PLEKHB1: variants seen among roughly 807,000 people sequenced by gnomAD.
PLEKHB1 encodes pleckstrin homology domain-containing family B member 1.
PLEKHB1 carries 29 observed loss-of-function variants against 36.2 expected under a neutral mutation model. The observed-to-expected ratio is 0.80, with a 90% CI of 0.60 to 1.09. PLEKHB1 has a LOEUF of 1.09. PLEKHB1 is among the 50% of genes least tolerant of loss of function. The pLI, the probability that PLEKHB1 is intolerant of heterozygous loss-of-function variation, is 0.00. For missense variants in PLEKHB1, 330 were observed against 348.2 expected, an observed-to-expected ratio of 0.95 and a Z score of 0.42; for synonymous variants, 138 against 140.0, an observed-to-expected ratio of 0.99 and a Z score of 0.10.
Position 73,655,821 on chromosome 11 carries a change from GTCCC to G in PLEKHB1, c.414_417del (p.Pro139GlyfsTer12), listed in dbSNP as rs910886724. On this transcript the variant is annotated frameshift_variant, in exon 6 of 8. Coordinates refer to ENST00000354190, the MANE Select transcript of PLEKHB1 (RefSeq NM_021200.3). LOFTEE classifies it high-confidence loss of function. ...TGAGCAGGCCCCAGCTGGAGCCACCGTCCCTCCCAGGAGCCGCCGGGTTTGCTCC... is the reference window on the plus strand; with the variant it reads ...TGAGCAGGCCCCAGCTGGAGCCACCGTCCCAGGAGCCGCCGGGTTTGCTCC... 2.5e-5 allele frequency: 40 copies of G among 1,613,388 alleles called. No homozygotes were observed. The highest frequency in any genetic ancestry group is 3.2e-5 in the Non-Finnish European group (38 of 1,179,852).
At chr11:73,651,190 A>G (rs1944883968) in intron 3 of PLEKHB1, among the ~76,000 whole-genome samples, 1 of 151,652 alleles carries the variant, frequency 6.6e-6, no homozygotes, top group South Asian at 2.1e-4. Flanking sequence ...TCTCTACCAA[A>G]ACAAAAACAA....
rs11235842 is a variant in PLEKHB1 at position 73,660,377 on chromosome 11, C to T, written c.496-376C>T. ...CCCTGTTTATTTCCTGGGCCTGGGG[C>T]TTGGCCATGTTCCCCTCCTTGTGAC... On this transcript the variant is annotated intron_variant, in intron 6 of 7. Transcript: ENST00000354190. 3.0e-3 allele frequency: 603 copies of T among 198,218 alleles called. 1 individual carries two copies. The highest frequency in any genetic ancestry group is 7.8e-3 in the Middle Eastern group (4 of 516). The allele number at this position is 198,218 out of a possible 1,614,324, so 12.3% of individuals were successfully genotyped here.
intron 4 of PLEKHB1, 38 bp from the exon 5 acceptor site, chr11:73,652,937 A>G: frequency 1.9e-6 from 3 of 1,583,006 alleles, no homozygotes; most frequent in South Asian, 2.3e-5. Context: ...CCCACCCCCA[A>G]ACTCCCTCCT....
At chr11:73,650,220 C>G (rs581888) in intron 2 of PLEKHB1, among the ~76,000 whole-genome samples, 16,911 of 152,086 alleles carry the variant, frequency 0.11, 3,078 homozygotes, top group African/African-American at 0.38. Flanking sequence ...GTCTCAAAGA[C>G]AGAGAGAGAG....
At chr11:73,660,888 C>G in intron 7 of PLEKHB1, 36 bp downstream of exon 7, 6 of 1,541,976 alleles carry the variant, frequency 3.9e-6, no homozygotes, top group Non-Finnish European at 5.3e-6. Context: ...TTGCCTCGAT[C>G]CAGCACCGAT....
At chr11:73,657,730 C>T (rs567976165) in intron 6 of PLEKHB1, among the ~76,000 whole-genome samples, 25 of 152,214 alleles carry the variant, frequency 1.6e-4, no homozygotes, top group Admixed American at 5.9e-4. Context: ...ACCTCAACTT[C>T]CCCACCAATA....
chr11:73,659,715 AG>A (rs1945065382), intron 6 of PLEKHB1, among the ~76,000 whole-genome samples: 1 of 152,196 alleles, frequency 6.6e-6, no homozygotes, highest in Admixed American at 6.5e-5. Context: ...TAGGCTTTGA[AG>A]GGTTGGCAGA....
At chr11:73,653,560 C>A in intron 5 of PLEKHB1, 1 of 428,448 alleles carries the variant, frequency 2.3e-6, no homozygotes, top group African/African-American at 2.0e-5. Flanking sequence ...ATAGTAATAA[C>A]AGCTCTGACA....
In PLEKHB1 at chr11:73,653,062, T is replaced by C. The variant is rs745651156; in HGVS notation, c.390+48T>C. The C allele has an allele frequency of 8.3e-6, 13 of 1,572,034 alleles. No homozygotes were observed. In the African/African-American group the frequency reaches 1.4e-4, roughly 16 times the overall value. On this transcript the variant is annotated intron_variant, in intron 5 of 7. Transcript: ENST00000354190. ...CTTTCCCCACCACCTCCATGTGCCATGGAATCATGAGTGACTCAGACTCGG... is the reference window on the plus strand; with the variant it reads ...CTTTCCCCACCACCTCCATGTGCCACGGAATCATGAGTGACTCAGACTCGG...
At position 73,650,618 on chromosome 11, in the gene PLEKHB1, TACC is replaced by T; in HGVS notation, c.163_165del (p.His55del). 1 of 1,613,356 alleles carries T rather than the reference TACC, an allele frequency of 6.2e-7. No homozygotes were observed. The highest frequency in any genetic ancestry group is 2.2e-5 in the East Asian group (1 of 44,866). Reference sequence around the variant, plus strand: ...GTGGCTGGACGGGACCCTGGGATACTACCACGATGAGACAGCGCAGGACGAGGA... The same window carrying T: ...GTGGCTGGACGGGACCCTGGGATACTACGATGAGACAGCGCAGGACGAGGA... On this transcript the variant is annotated inframe_deletion, in exon 3 of 8. Transcript: ENST00000354190.
chr11:73,651,365 A>G (rs981752809), intron 3 of PLEKHB1: 11 of 445,532 alleles, frequency 2.5e-5, no homozygotes, highest in Middle Eastern at 3.6e-4. Context: ...AAAAAAAAAA[A>G]AAAAAGAAAA....
chr11:73,660,921 G>A (rs1486975261), intron 7 of PLEKHB1, 69 bp downstream of exon 7: 2 of 1,375,198 alleles, frequency 1.5e-6, no homozygotes, highest in Non-Finnish European at 2.0e-6. Context: ...CCAGCCCACG[G>A]TCCGTAAGTC....
chr11:73,652,125 G>A (rs1944910243), intron 4 of PLEKHB1: 2 of 545,512 alleles, frequency 3.7e-6, no homozygotes, highest in Admixed American at 3.3e-5. Flanking sequence ...AGGGGGAGGT[G>A]TGCACACCTG....
chr11:73,651,363 A>AT, intron 3 of PLEKHB1: 1 of 445,118 alleles, frequency 2.2e-6, no homozygotes, highest in Admixed American at 2.5e-5. Flanking sequence ...CAAAAAAAAA[A>AT]AAAAAAAGAA....
chr11:73,651,751 T>C (rs1944899947), intron 3 of PLEKHB1, 37 bp from the exon 4 acceptor site: 2 of 1,548,498 alleles, frequency 1.3e-6, no homozygotes, highest in Non-Finnish European at 1.8e-6. Flanking sequence ...CTGGGGCTTG[T>C]GCCTGTGGAA....
In PLEKHB1 at chr11:73,661,929, G is replaced by A. The variant is rs1945133673; in HGVS notation, c.*327G>A. 3 of 278,948 alleles carry A rather than the reference G, an allele frequency of 1.1e-5. No individual in the cohort carries two copies. Among genetic ancestry groups the A allele is most frequent in the Admixed American group, 4.7e-5 (1 of 21,184 alleles). The allele number at this position is 278,948 out of a possible 1,614,324, so 17.3% of individuals were successfully genotyped here. On this transcript the variant is annotated 3_prime_UTR_variant, in exon 8 of 8. Transcript: ENST00000354190. This position sits in a 1 kb window ranked among gnomAD's most constrained non-coding sequence, Gnocchi z 4.6. The stretch of plus-strand genomic sequence containing the variant: ...TCATTTGGCTTCGAGTTCCCCAGGC[G>A]CTGTAGACACAACATGAATCGGGCT...
At position 73,660,782 on chromosome 11, in the gene PLEKHB1, C is replaced by A. The variant is rs1194374901; in HGVS notation, c.525C>A (p.Tyr175Ter). The change falls in exon 7 of 8, where the codon TAC becomes TAA. Residue 175 changes from tyrosine to a stop codon, truncating the protein, a stop_gained. Transcript: ENST00000354190. LOFTEE classifies it high-confidence loss of function. ...WVRVYSPYQD[Y>*]YEVVPPNAHE... ...GCGTCTACAGCCCGTACCAAGACTA[C>A]TACGAGGTGGTGCCCCCCAATGCAC... 1.2e-6 allele frequency: 2 copies of A among 1,600,936 alleles called. No individual in the cohort carries two copies. The highest frequency in any genetic ancestry group is 1.7e-6 in the Non-Finnish European group (2 of 1,174,956).
chr11:73,660,719 G>A lies in PLEKHB1; in HGVS notation c.496-34G>A, dbSNP rs774173297. On this transcript the variant is annotated intron_variant, in intron 6 of 7. Transcript: ENST00000354190. ...TAGGGGACCAAATCCGGGCCAGGGA[G>A]TTCCTGGGCACCTGACATGGTTGGA... The A allele has an allele frequency of 5.6e-5, 87 of 1,554,496 alleles. 1 individual carries two copies. The highest frequency in any genetic ancestry group is 2.0e-5 in the Non-Finnish European group (23 of 1,147,724).
In PLEKHB1 at chr11:73,655,882, C is replaced by T; in HGVS notation, c.470C>T (p.Pro157Leu). 1 of 1,613,854 alleles carries T rather than the reference C, an allele frequency of 6.2e-7. No individual in the cohort carries two copies. The highest frequency in any genetic ancestry group is 2.2e-5 in the East Asian group (1 of 44,874). The change falls in exon 6 of 8, where the codon CCC becomes CTC. Residue 157 changes from proline to leucine, a missense_variant. By Grantham distance (98) the Pro-to-Leu change is moderately conservative. Transcript: ENST00000354190. ...AGGTGTGTGACCCGCTCGTGGAGCC[C>T]CTGTAAGGTTGAGAGGCGGATCTGG... ...KVRCVTRSWSPCKVERRIWVR... is the reference protein window; with the variant it reads ...KVRCVTRSWSLCKVERRIWVR...
Sources: allele counts gnomAD v4.1 joint callset (sites outside exome capture counted in the v4.1 genomes callset), GRCh38; gene constraint gnomAD v4.1.1; non-coding constraint Gnocchi (gnomAD v3.1); transcripts MANE v1.5; gene names NCBI Gene and HGNC (gene_info 2026-07-23, HGNC 2026-07-21).